LETM1: variants seen among roughly 807,000 people sequenced by gnomAD.
LETM1 encodes mitochondrial proton/calcium exchanger protein.
LETM1 carries 50 observed loss-of-function variants against 74.5 expected under a neutral mutation model. The ratio of observed to expected loss-of-function variants is 0.67; its 90% CI spans 0.53 to 0.85. LETM1 has a LOEUF of 0.85. Ranked by LOEUF, LETM1 falls within the 40% of genes least tolerant of loss-of-function variation. The pLI is 0.00. For missense variants in LETM1, 824 were observed against 967.8 expected (o/e 0.85, Z 1.97); for synonymous variants, 446 against 407.1 (o/e 1.10, Z -1.15).
intron 9 of LETM1, 72 bp downstream of exon 9, chr4:1,822,916 G>A (rs1267091133): frequency 3.2e-6 from 4 of 1,264,874 alleles, no homozygotes; most frequent in Non-Finnish European, 3.0e-6. Flanking sequence ...CCAAGACTGT[G>A]GGCGTGCGGG....
intron 13 of LETM1, 37 bp downstream of exon 13, chr4:1,815,627 G>A: frequency 6.2e-7 from 1 of 1,611,030 alleles, no homozygotes. Flanking sequence ...TCCAGAGCAG[G>A]TGGCGGATGG....
intron 12 of LETM1, 61 bp from the exon 13 acceptor site, chr4:1,815,863 GCCCACACC>G (rs1711554515): frequency 1.6e-5 from 25 of 1,591,124 alleles, no homozygotes; most frequent in Non-Finnish European, 2.1e-5. Flanking sequence ...GGGCCTCACT[GCCCACACC>G]TGTGGCTGCA....
intron 1 of LETM1, among the ~76,000 whole-genome samples, chr4:1,851,387 A>AC (rs1333913674): frequency 2.6e-5 from 4 of 152,282 alleles, no homozygotes; most frequent in Admixed American, 6.5e-5. Context: ...GAGAGGACGA[A>AC]CAAGATGGGG....
At chr4:1,842,053 G>A (rs1712722028) in intron 2 of LETM1, among the ~76,000 whole-genome samples, 1 of 152,166 alleles carries the variant, frequency 6.6e-6, no homozygotes, top group South Asian at 2.1e-4. Flanking sequence ...CCCACAGAAA[G>A]GCAGGCAAGT....
Position 1,854,592 on chromosome 4 carries a change from G to A in LETM1, c.82+1277C>T, listed in dbSNP as rs185018947. 6.2e-3 allele frequency among the ~76,000 whole-genome samples: 941 copies of A among 151,164 alleles called. 8 individuals are homozygous for A. The highest frequency in any genetic ancestry group is 0.021 in the African/African-American group (878 of 41,196). The stretch of plus-strand genomic sequence containing the variant: ...GTGGATCACCTGAGGTCAGGAGTTC[G>A]AGACCCGCCTGGCCAAGACGGAGAA... On this transcript the variant is annotated intron_variant, in intron 1 of 13. Coordinates refer to ENST00000302787, the MANE Select transcript of LETM1 (RefSeq NM_012318.3).
chr4:1,854,054 G>C (rs934195108), intron 1 of LETM1, among the ~76,000 whole-genome samples: 2 of 152,280 alleles, frequency 1.3e-5, no homozygotes, highest in Admixed American at 1.3e-4. Flanking sequence ...GAGGTCCAGA[G>C]AGAGCTCTAA....
chr4:1,843,956 GAC>G (rs1167737200), intron 2 of LETM1, among the ~76,000 whole-genome samples: 1 of 152,218 alleles, frequency 6.6e-6, no homozygotes. Context: ...TGTGGGTGAT[GAC>G]AGTGCCCACA....
intron 2 of LETM1, among the ~76,000 whole-genome samples, chr4:1,844,083 G>A (rs1054932072): frequency 6.6e-6 from 1 of 152,206 alleles, no homozygotes; most frequent in East Asian, 1.9e-4. Flanking sequence ...GTCACGGGGT[G>A]TCGACAGGCA....
At chr4:1,827,818 G>C (rs1422356777) in intron 6 of LETM1, among the ~76,000 whole-genome samples, 3 of 150,860 alleles carry the variant, frequency 2.0e-5, no homozygotes, top group East Asian at 4.0e-4. Context: ...CCTCCCAGAC[G>C]GGGTGGTGGC....
chr4:1,834,722 T>G lies in LETM1; in HGVS notation c.876+123A>C, dbSNP rs1577320174. The G allele has an allele frequency of 6.6e-7, 1 of 1,518,188 alleles. No homozygotes were observed. The highest frequency in any genetic ancestry group is 1.3e-5 in the South Asian group (1 of 76,064). The allele number at this position is 1,518,188 out of a possible 1,614,324, so 94.0% of individuals were successfully genotyped here. A position where few individuals can be genotyped will look rare whatever the true frequency, so the allele number is the denominator to read the frequency against. ...CTGGCCCCCGACTGAGCCTCCTGGG[T>G]AAACTTTCAAGCGCCAGCCAGCACC... On this transcript the variant is annotated intron_variant, in intron 5 of 13. Coordinates refer to ENST00000302787, the MANE Select transcript of LETM1 (RefSeq NM_012318.3). This position sits in a 1 kb window ranked among gnomAD's most constrained non-coding sequence, Gnocchi z 5.0.
rs1370886932 is a variant in LETM1, at chr4:1,834,026, C to CT, written c.876+818dup. 1 of 152,342 alleles carries CT rather than the reference C, an allele frequency of 6.6e-6. No homozygotes were observed. Among genetic ancestry groups the CT allele is most frequent in the Non-Finnish European group, 1.5e-5 (1 of 68,108 alleles). 9.4% of individuals were successfully genotyped at this position (152,342 alleles called of 1,614,324 possible). A position where few individuals can be genotyped will look rare whatever the true frequency, so the allele number is the denominator to read the frequency against. The stretch of plus-strand genomic sequence containing the variant: ...GAACCACCACCCACTCCCTGGGGGG[C>CT]TCAGCAGCCCCATGGCTGTGTCGCC... On this transcript the variant is annotated intron_variant, in intron 5 of 13. Coordinates refer to ENST00000302787, the MANE Select transcript of LETM1 (RefSeq NM_012318.3). This position sits in a 1 kb window ranked among gnomAD's most constrained non-coding sequence, Gnocchi z 5.0.
intron 9 of LETM1, chr4:1,822,752 A>G (rs1711829235): frequency 5.0e-6 from 2 of 399,558 alleles, no homozygotes; most frequent in Non-Finnish European, 8.7e-6. Context: ...CCCCTCTGAG[A>G]CGGCTAAGGT....
intron 6 of LETM1, among the ~76,000 whole-genome samples, chr4:1,826,374 GAC>G (rs1711986936): frequency 6.6e-6 from 1 of 152,208 alleles, no homozygotes; most frequent in South Asian, 2.1e-4. Flanking sequence ...CGTAACTGTG[GAC>G]ACACATCCAG....
At chr4:1,850,896 G>T (rs570373419) in intron 1 of LETM1, among the ~76,000 whole-genome samples, 1 of 150,012 alleles carries the variant, frequency 6.7e-6, no homozygotes, top group East Asian at 1.9e-4. Context: ...AACCCTCCGG[G>T]AGGCAGAGGT....
intron 8 of LETM1, 115 bp from the exon 9 acceptor site, chr4:1,823,246 CA>C: frequency 7.5e-7 from 1 of 1,338,246 alleles, no homozygotes. Flanking sequence ...GGGCTTCACA[CA>C]CACAGGACAG....
At chr4:1,854,503 AGAATT>A (rs1469338066) in intron 1 of LETM1, among the ~76,000 whole-genome samples, 2 of 149,562 alleles carry the variant, frequency 1.3e-5, no homozygotes, top group Non-Finnish European at 3.0e-5. Context: ...AAAAATTACA[AGAATT>A]GGGGGCCGGG....
chr4:1,841,343 T>A lies in LETM1; in HGVS notation c.594+4A>T. The A allele has an allele frequency of 6.2e-7, 1 of 1,611,520 alleles. No homozygotes were observed. Among genetic ancestry groups the A allele is most frequent in the Non-Finnish European group, 8.5e-7 (1 of 1,177,984 alleles). ...AAAGAAAGGACTAGACATGTCCCCA[T>A]TACCTGCCTGCGCTCCCGGCGGGTC... On this transcript the variant is annotated splice_donor_region_variant and intron_variant, in intron 3 of 13. Transcript: ENST00000302787.
rs1712411930 is a variant in LETM1 at position 1,834,990 on chromosome 4, G to T, written c.739-8C>A. On this transcript the variant is annotated splice_polypyrimidine_tract_variant and splice_region_variant and intron_variant, in intron 4 of 13. Transcript: ENST00000302787. This position sits in a 1 kb window ranked among gnomAD's most constrained non-coding sequence, Gnocchi z 5.0. ...CTTCTTCAGCCTCTCCTCCTGCAAG[G>T]GCAGAGAGGGCACTGCATTCCAACT... 1 of 1,613,228 alleles carries T rather than the reference G, an allele frequency of 6.2e-7. No individual in the cohort carries two copies. Among genetic ancestry groups the T allele is most frequent in the East Asian group, 2.2e-5 (1 of 44,858 alleles).
chr4:1,838,702 A>G (rs968773679), intron 3 of LETM1, among the ~76,000 whole-genome samples: 7 of 152,130 alleles, frequency 4.6e-5, no homozygotes, highest in Admixed American at 4.6e-4. Context: ...GTAAATAAAT[A>G]GTAGAGCCAC....
Sources: allele counts gnomAD v4.1 joint callset (sites outside exome capture counted in the v4.1 genomes callset), GRCh38; gene constraint gnomAD v4.1.1; non-coding constraint Gnocchi (gnomAD v3.1); transcripts MANE v1.5; gene names NCBI Gene and HGNC (gene_info 2026-07-23, HGNC 2026-07-21).